The following LRRC7 variants were observed in gnomAD, a reference collection of about 807,000 sequenced individuals.
LRRC7 encodes the protein leucine-rich repeat-containing protein 7.
LRRC7 carries 23 observed loss-of-function variants against 175.7 expected under a neutral mutation model. The ratio of observed to expected loss-of-function variants is 0.13; its 90% CI spans 0.09 to 0.19. The LOEUF is 0.19. Ranked by LOEUF, LRRC7 falls within the 10% of genes least tolerant of loss-of-function variation. LRRC7 has a pLI of 1.00. For synonymous variants in LRRC7, 685 were observed against 680.9 expected (o/e 1.01, Z -0.09); for missense variants, 1,354 against 1,904.7 (o/e 0.71, Z 5.38).
intron 5 of LRRC7, among the ~76,000 whole-genome samples, chr1:69,829,615 G>A (rs970477668): frequency 1.3e-5 from 2 of 151,726 alleles, no homozygotes; most frequent in Non-Finnish European, 3.0e-5. Flanking sequence ...AGCAATTAAA[G>A]TATTTACTTA....
intron 1 of LRRC7, among the ~76,000 whole-genome samples, chr1:69,657,912 A>T (rs1467358961): frequency 6.6e-6 from 1 of 151,916 alleles, no homozygotes; most frequent in Non-Finnish European, 1.5e-5. Flanking sequence ...ATTTAATACT[A>T]TCAAAAATGA....
intron 23 of LRRC7, 76 bp from the exon 24 acceptor site, chr1:70,076,001 T>C: frequency 2.0e-6 from 3 of 1,493,894 alleles, no homozygotes; most frequent in Non-Finnish European, 2.8e-6. Context: ...AGAGAGGTAT[T>C]CTGTACGTGC....
chr1:69,757,283 G>A (rs1267785475), intron 2 of LRRC7, among the ~76,000 whole-genome samples: 1 of 151,916 alleles, frequency 6.6e-6, no homozygotes, highest in Non-Finnish European at 1.5e-5. Context: ...CCAGAAATTG[G>A]CTAATCAGCA....
intron 3 of LRRC7, among the ~76,000 whole-genome samples, chr1:69,789,876 T>C (rs1020800915): frequency 4.6e-5 from 7 of 152,070 alleles, no homozygotes; most frequent in African/African-American, 1.7e-4. Context: ...TACATAAATA[T>C]TAATAATGGC....
chr1:69,975,137 T>C (rs1054309056), intron 8 of LRRC7, among the ~76,000 whole-genome samples: 1 of 152,168 alleles, frequency 6.6e-6, no homozygotes, highest in Non-Finnish European at 1.5e-5. Context: ...AAGTCCCCAG[T>C]AAAACCCAGA....
chr1:69,635,664 G>A (rs1013772193), intron 1 of LRRC7, among the ~76,000 whole-genome samples: 26 of 151,768 alleles, frequency 1.7e-4, no homozygotes, highest in Middle Eastern at 3.4e-3. Flanking sequence ...TATGATGTCC[G>A]GATTTTAAAA....
chr1:70,118,064 C>CAT (rs1491419452), intron 26 of LRRC7, among the ~76,000 whole-genome samples: 1 of 28,268 alleles, frequency 3.5e-5, no homozygotes, highest in Non-Finnish European at 8.5e-5. Context: ...TTCTTCTATG[C>CAT]ACACACACAC....
rs143358984 is a variant in LRRC7, at chr1:70,061,464, G to A, written c.4230+8319G>A. Among the ~76,000 whole-genome samples the A allele has an allele frequency of 2.1e-3, 326 of 152,228 alleles. 2 individuals are homozygous for A. The highest frequency in any genetic ancestry group is 6.9e-3 in the African/African-American group (287 of 41,538). ...AACAGCATATTATGCTGAGGCTGCT[G>A]AGGAAAAGTAGCTTCAAGAGACAGC... is the stretch of plus-strand genomic sequence containing the variant. On this transcript the variant is annotated intron_variant, in intron 23 of 26. Coordinates refer to ENST00000651989, the MANE Select transcript of LRRC7 (RefSeq NM_001370785.2).
chr1:69,577,252 G>A (rs980253413), intron 1 of LRRC7, among the ~76,000 whole-genome samples: 7 of 152,204 alleles, frequency 4.6e-5, no homozygotes, highest in Non-Finnish European at 8.8e-5. Context: ...TTATATAAAG[G>A]AATATGTTGT....
rs35639787 is a variant in LRRC7, at chr1:70,054,578, C to CTTTTTTTTTTTT, written c.4230+1453_4230+1464dup. On this transcript the variant is annotated intron_variant, in intron 23 of 26. Coordinates refer to ENST00000651989, the MANE Select transcript of LRRC7 (RefSeq NM_001370785.2). Reference sequence around the variant, plus strand: ...TTGAATTATGGTTCTTTACACTCTACTTTTTTTTTTTTTTTTTTTTTTTTT... The same window carrying CTTTTTTTTTTTT: ...TTGAATTATGGTTCTTTACACTCTACTTTTTTTTTTTTTTTTTTTTTTTTTTTTTTTTTTTTT... Among the ~76,000 whole-genome samples, 5 of 53,798 alleles carry CTTTTTTTTTTTT rather than the reference C, an allele frequency of 9.3e-5. 1 individual carries two copies. The highest frequency in any genetic ancestry group is 1.4e-4 in the Non-Finnish European group (4 of 28,944). The allele number at this position is 53,798 out of a possible 152,430, so 35.3% of individuals were successfully genotyped here.
At chr1:70,034,383 AG>A (rs1659090160) in intron 18 of LRRC7, among the ~76,000 whole-genome samples, 1 of 151,518 alleles carries the variant, frequency 6.6e-6, no homozygotes, top group African/African-American at 2.4e-5. Context: ...TAAAAAAAAA[AG>A]TCAGCGATTA....
rs1255854128 is a variant in LRRC7, at chr1:69,781,247, G to A, written c.304-10796G>A. On this transcript the variant is annotated intron_variant, in intron 3 of 26. Coordinates refer to ENST00000651989, the MANE Select transcript of LRRC7 (RefSeq NM_001370785.2). ...CTTCTGTAATTCTTCTGGGGCCTGCGGCCTTTGTGAGGGCTCACTGGATCC... is the reference window on the plus strand; with the variant it reads ...CTTCTGTAATTCTTCTGGGGCCTGCAGCCTTTGTGAGGGCTCACTGGATCC... Among the ~76,000 whole-genome samples the A allele has an allele frequency of 5.3e-5, 8 of 151,898 alleles. 1 individual carries two copies. The highest frequency in any genetic ancestry group is 2.1e-4 in the South Asian group (1 of 4,812).
At chr1:69,760,872 T>C (rs1245954965) in intron 3 of LRRC7, among the ~76,000 whole-genome samples, 2 of 151,968 alleles carry the variant, frequency 1.3e-5, no homozygotes, top group Non-Finnish European at 2.9e-5. Context: ...TGTAAAATAT[T>C]TGATTATTAC....
chr1:69,627,957 G>A (rs552379105), intron 1 of LRRC7, among the ~76,000 whole-genome samples: 2 of 151,490 alleles, frequency 1.3e-5, no homozygotes, highest in Non-Finnish European at 3.0e-5. Context: ...GTTTACTTTT[G>A]TTAGCTTTAT....
At chr1:69,947,835 A>G (rs1405918362) in intron 8 of LRRC7, among the ~76,000 whole-genome samples, 6 of 152,146 alleles carry the variant, frequency 3.9e-5, no homozygotes, top group African/African-American at 1.4e-4. Context: ...AGGCACAATA[A>G]AAGACTAACA....
intron 3 of LRRC7, among the ~76,000 whole-genome samples, chr1:69,772,760 G>A (rs554071113): frequency 6.6e-6 from 1 of 152,190 alleles, no homozygotes; most frequent in East Asian, 1.9e-4. Flanking sequence ...TAGGAGATTA[G>A]GATCAGAAAG....
intron 22 of LRRC7, among the ~76,000 whole-genome samples, chr1:70,050,831 T>G (rs1342575754): frequency 6.6e-6 from 1 of 152,048 alleles, no homozygotes; most frequent in Non-Finnish European, 1.5e-5. Flanking sequence ...TAAATTGTTT[T>G]TAATGATCTT....
intron 7 of LRRC7, among the ~76,000 whole-genome samples, chr1:69,859,973 T>C (rs1324709239): frequency 6.6e-6 from 1 of 152,026 alleles, no homozygotes; most frequent in Non-Finnish European, 1.5e-5. Flanking sequence ...TCTCTATTTC[T>C]ACTACAGCCA....
intron 2 of LRRC7, among the ~76,000 whole-genome samples, chr1:69,681,947 G>A (rs1433250847): frequency 6.6e-6 from 1 of 152,110 alleles, no homozygotes; most frequent in African/African-American, 2.4e-5. Context: ...ATTTTCTGAA[G>A]GTCAGGAGTC....
Sources: allele counts gnomAD v4.1 joint callset (sites outside exome capture counted in the v4.1 genomes callset), GRCh38; gene constraint gnomAD v4.1.1; transcripts MANE v1.5; gene names NCBI Gene and HGNC (gene_info 2026-07-23, HGNC 2026-07-21).